EXOC4: variants seen among roughly 807,000 people sequenced by gnomAD.
The protein encoded by EXOC4 is exocyst complex component 4, also known as SEC8-like 1.
EXOC4 carries 71 observed loss-of-function variants against 107.2 expected under a neutral mutation model. The ratio of observed to expected loss-of-function variants is 0.66; its 90% CI spans 0.55 to 0.81. The LOEUF (loss-of-function observed/expected upper bound fraction) is 0.81, where lower values mean the gene tolerates loss of function less well. Ranked by LOEUF, EXOC4 falls within the 30% of genes least tolerant of loss-of-function variation. EXOC4 has a pLI of 0.00. For missense variants in EXOC4, 1,108 were observed against 1,189.6 expected (o/e 0.93, Z 1.01); for synonymous variants, 456 against 441.2 (o/e 1.03, Z -0.42).
chr7:133,545,612 C>T (rs1027674311), intron 9 of EXOC4, among the ~76,000 whole-genome samples: 1 of 152,102 alleles, frequency 6.6e-6, no homozygotes, highest in Non-Finnish European at 1.5e-5. Context: ...ATTACAGATT[C>T]TCCAGTTCAC....
chr7:133,558,562 T>C (rs535080207), intron 9 of EXOC4, among the ~76,000 whole-genome samples: 63 of 152,302 alleles, frequency 4.1e-4, no homozygotes, highest in Admixed American at 8.5e-4. Context: ...CCTCCTTTAA[T>C]GTAGAGCGAT....
At chr7:133,338,675 A>C (rs535259801) in intron 5 of EXOC4, among the ~76,000 whole-genome samples, 2 of 151,094 alleles carry the variant, frequency 1.3e-5, no homozygotes, top group Admixed American at 1.3e-4. Flanking sequence ...TACATGTATA[A>C]ATTTTTTAGT....
intron 17 of EXOC4, among the ~76,000 whole-genome samples, chr7:134,046,521 C>G (rs1012325354): frequency 2.0e-5 from 3 of 149,398 alleles, no homozygotes; most frequent in Non-Finnish European, 4.4e-5. Context: ...TAAGTCATGG[C>G]CCTCACCACA....
At chr7:133,968,343 A>T (rs998134242) in intron 14 of EXOC4, among the ~76,000 whole-genome samples, 1 of 152,204 alleles carries the variant, frequency 6.6e-6, no homozygotes, top group African/African-American at 2.4e-5. Context: ...AGTTACATTT[A>T]AAGTTAACAT....
Position 133,839,024 on chromosome 7 carries a change from A to G in EXOC4, c.1734+21480A>G, listed in dbSNP as rs1797972737. 2.0e-5 allele frequency among the ~76,000 whole-genome samples: 3 copies of G among 152,238 alleles called. No individual in the cohort carries two copies. In the South Asian group the frequency reaches 6.2e-4, roughly 32 times the overall value. The stretch of plus-strand genomic sequence containing the variant: ...ATTGTTTTATAATGGTGTTAGGCAT[A>G]CATACAATGAGTAGAGTTTCATTCA... On this transcript the variant is annotated intron_variant, in intron 11 of 17. Transcript: ENST00000253861.
At chr7:133,395,551 G>T (rs1796952121) in intron 7 of EXOC4, among the ~76,000 whole-genome samples, 1 of 152,076 alleles carries the variant, frequency 6.6e-6, no homozygotes, top group African/African-American at 2.4e-5. Flanking sequence ...AGGAGCAAGT[G>T]AATAGGACCC....
At chr7:133,551,391 A>G (rs919761111) in intron 9 of EXOC4, among the ~76,000 whole-genome samples, 8 of 151,944 alleles carry the variant, frequency 5.3e-5, no homozygotes, top group African/African-American at 1.5e-4. Context: ...AGGTTTTTCT[A>G]AGGATAGATT....
At chr7:133,344,009 G>A (rs1313544572) in intron 5 of EXOC4, among the ~76,000 whole-genome samples, 2 of 151,900 alleles carry the variant, frequency 1.3e-5, no homozygotes, top group South Asian at 2.1e-4. Flanking sequence ...TAGAGATGGG[G>A]TCTCACTATG....
intron 10 of EXOC4, among the ~76,000 whole-genome samples, chr7:133,758,894 T>C (rs1795974778): frequency 6.6e-6 from 1 of 152,114 alleles, no homozygotes; most frequent in Non-Finnish European, 1.5e-5. Flanking sequence ...ATGTTATTCA[T>C]AAGGGGAAAT....
At chr7:133,440,083 C>T (rs540355147) in intron 7 of EXOC4, among the ~76,000 whole-genome samples, 3 of 152,304 alleles carry the variant, frequency 2.0e-5, no homozygotes, top group Admixed American at 6.5e-5. Context: ...GCAACCCTCT[C>T]CCACCCCCAC....
At position 133,724,745 on chromosome 7, in the gene EXOC4, G is replaced by A. The variant is rs1169922734; in HGVS notation, c.1515-92580G>A. The stretch of plus-strand genomic sequence containing the variant: ...TTGAGCAGAGGCCAAAAGAAATATG[G>A]GAACGGTTCATGCAGTTATTTGGAG... On this transcript the variant is annotated intron_variant, in intron 10 of 17. Coordinates refer to ENST00000253861, the MANE Select transcript of EXOC4 (RefSeq NM_021807.4). Among the ~76,000 whole-genome samples, 3 of 152,188 alleles carry A rather than the reference G, an allele frequency of 2.0e-5. No individual in the cohort carries two copies. In the East Asian group the frequency reaches 5.8e-4, roughly 29 times the overall value.
At chr7:133,519,800 C>T (rs553927357) in intron 9 of EXOC4, among the ~76,000 whole-genome samples, 24 of 152,132 alleles carry the variant, frequency 1.6e-4, no homozygotes, top group Non-Finnish European at 2.9e-4. Context: ...CAGTGTAAAG[C>T]AGACCATCAG....
chr7:134,035,458 A>G (rs1795368076), intron 17 of EXOC4, among the ~76,000 whole-genome samples: 1 of 152,232 alleles, frequency 6.6e-6, no homozygotes, highest in East Asian at 1.9e-4. Flanking sequence ...TACAAAGAAC[A>G]GCATTTTCAC....
At position 133,603,497 on chromosome 7, in the gene EXOC4, A is replaced by G. The variant is rs542106340; in HGVS notation, c.1418-26548A>G. Among the ~76,000 whole-genome samples the G allele has an allele frequency of 3.9e-5, 6 of 152,286 alleles. No homozygotes were observed. The South Asian group carries it at 1.0e-3, about 26-fold the overall frequency. ...GTATAGCCTACCATACACCTAGGTT[A>G]TATGGTATAGCCTGTCGCTCCTGAT... On this transcript the variant is annotated intron_variant, in intron 9 of 17. Transcript: ENST00000253861.
chr7:133,904,252 G>C (rs1799518739), intron 12 of EXOC4, among the ~76,000 whole-genome samples: 2 of 152,138 alleles, frequency 1.3e-5, no homozygotes, highest in Non-Finnish European at 1.5e-5. Flanking sequence ...AAGAAAGAAA[G>C]GGGAAAATCC....
At chr7:133,545,598 A>G (rs796404667) in intron 9 of EXOC4, among the ~76,000 whole-genome samples, 5 of 152,184 alleles carry the variant, frequency 3.3e-5, no homozygotes, top group African/African-American at 1.2e-4. Context: ...TCCTTTCTGT[A>G]TTTATTACAG....
intron 9 of EXOC4, among the ~76,000 whole-genome samples, chr7:133,558,282 A>G (rs1335175672): frequency 3.1e-5 from 4 of 128,958 alleles, no homozygotes; most frequent in Non-Finnish European, 4.9e-5. Flanking sequence ...TTGCCCTGTA[A>G]TCTGTTATAA....
chr7:133,489,531 A>G (rs1381931221), intron 9 of EXOC4, among the ~76,000 whole-genome samples: 2 of 152,206 alleles, frequency 1.3e-5, no homozygotes, highest in Non-Finnish European at 2.9e-5. Flanking sequence ...GTCGTCCATG[A>G]GAAGGCATCT....
chr7:133,438,728 T>A (rs1798033850), intron 7 of EXOC4, among the ~76,000 whole-genome samples: 2 of 152,176 alleles, frequency 1.3e-5, no homozygotes, highest in Non-Finnish European at 2.9e-5. Flanking sequence ...GCAGCCAGAT[T>A]TTTCATCTCA....
Sources: allele counts gnomAD v4.1 joint callset (sites outside exome capture counted in the v4.1 genomes callset), GRCh38; gene constraint gnomAD v4.1.1; transcripts MANE v1.5; gene names NCBI Gene and HGNC (gene_info 2026-07-23, HGNC 2026-07-21).